Variants in ZRANB2 observed in about 807,000 individuals in gnomAD.
ZRANB2 encodes zinc finger Ran-binding domain-containing protein 2.
ZRANB2 carries 19 observed loss-of-function variants against 53.4 expected under a neutral mutation model. That is an observed-to-expected ratio of 0.36 (90% CI 0.25 to 0.52). ZRANB2 has a LOEUF of 0.52. ZRANB2 is among the 20% of genes least tolerant of loss of function. The pLI is 0.93. For missense variants in ZRANB2, 309 were observed against 401.1 expected, an observed-to-expected ratio of 0.77 and a Z score of 1.96; for synonymous variants, 145 against 134.8, an observed-to-expected ratio of 1.08 and a Z score of -0.52.
In ZRANB2 at chr1:71,064,475, C is replaced by A. The variant is rs1266719774; in HGVS notation, c.*599G>T. On this transcript the variant is annotated 3_prime_UTR_variant, in exon 10 of 10. Coordinates refer to ENST00000370920, the MANE Select transcript of ZRANB2 (RefSeq NM_203350.3). ...CCCACTTCTCTCCTTGTAGACATCA[C>A]AAGATTCTTTTGCATTAAATGTGGA... 6.6e-6 allele frequency: 1 copy of A among 152,432 alleles called. No individual in the cohort carries two copies. The highest frequency in any genetic ancestry group is 2.4e-5 in the African/African-American group (1 of 41,422). The allele number at this position is 152,432 out of a possible 1,614,324, so 9.4% of individuals were successfully genotyped here. A position where few individuals can be genotyped will look rare whatever the true frequency, so the allele number is the denominator to read the frequency against.
chr1:71,070,612 G>A (rs1299465266), intron 7 of ZRANB2, among the ~76,000 whole-genome samples: 1 of 152,088 alleles, frequency 6.6e-6, no homozygotes, highest in Admixed American at 6.6e-5. Flanking sequence ...GGCTAAAATA[G>A]GTTAAGGAAG....
chr1:71,076,075 G>A (rs1238245109), intron 4 of ZRANB2, among the ~76,000 whole-genome samples: 1 of 152,032 alleles, frequency 6.6e-6, no homozygotes, highest in African/African-American at 2.4e-5. Context: ...AGTCTGACAG[G>A]GTGACTAGAT....
chr1:71,073,677 GA>G (rs1661643064), intron 4 of ZRANB2, among the ~76,000 whole-genome samples: 2 of 151,602 alleles, frequency 1.3e-5, no homozygotes, highest in Admixed American at 1.3e-4. Context: ...ATTTACATAG[GA>G]AAAAACTGAA....
At chr1:71,073,548 A>G (rs1423608359) in intron 4 of ZRANB2, among the ~76,000 whole-genome samples, 1 of 151,954 alleles carries the variant, frequency 6.6e-6, no homozygotes, top group Non-Finnish European at 1.5e-5. Flanking sequence ...ACTTTCTGAA[A>G]AAAACCCACA....
At chr1:71,078,225 G>A (rs1041015003) in intron 3 of ZRANB2, among the ~76,000 whole-genome samples, 2 of 152,096 alleles carry the variant, frequency 1.3e-5, no homozygotes, top group Non-Finnish European at 2.9e-5. Flanking sequence ...ATAAGCATTT[G>A]TTTACTGGTA....
chr1:71,070,761 T>C, intron 7 of ZRANB2, 66 bp downstream of exon 7: 1 of 1,017,968 alleles, frequency 9.8e-7, no homozygotes, highest in African/African-American at 1.6e-5. Flanking sequence ...AAAAACAAAA[T>C]TTATAAATAA....
At chr1:71,065,618 A>ATTGT in intron 9 of ZRANB2, 1 of 1,538,418 alleles carries the variant, frequency 6.5e-7, no homozygotes, top group Non-Finnish European at 8.8e-7. Context: ...ACACAAGATG[A>ATTGT]TTGTACAATT....
At chr1:71,076,764 A>G in intron 4 of ZRANB2, 31 bp downstream of exon 4, 1 of 1,526,936 alleles carries the variant, frequency 6.5e-7, no homozygotes, top group Non-Finnish European at 9.0e-7. Flanking sequence ...TTTAAAAAAA[A>G]TCATTTAGTT....
At chr1:71,074,375 T>G (rs1289163049) in intron 4 of ZRANB2, among the ~76,000 whole-genome samples, 1 of 152,162 alleles carries the variant, frequency 6.6e-6, no homozygotes, top group Non-Finnish European at 1.5e-5. Flanking sequence ...CAAATTTGTC[T>G]CACAGTATAA....
Position 71,080,930 on chromosome 1 carries a change from T to A in ZRANB2, c.56+10A>T. 6.2e-7 allele frequency: 1 copy of A among 1,614,064 alleles called. No homozygotes were observed. ...ACTCCGTCCCAATTCAGGACCCTTC[T>A]TGAACTCACTTTTTGTCAGGGCAAA... On this transcript the variant is annotated intron_variant, in intron 1 of 9. Transcript: ENST00000370920.
intron 9 of ZRANB2, 34 bp from the exon 10 acceptor site, chr1:71,065,171 G>C: frequency 6.6e-7 from 1 of 1,518,518 alleles, no homozygotes; most frequent in Non-Finnish European, 9.1e-7. Context: ...AGGCATTCTA[G>C]TAAGCTAGAG....
chr1:71,066,083 A>C (rs995999281), intron 9 of ZRANB2: 1 of 187,566 alleles, frequency 5.3e-6, no homozygotes, highest in Non-Finnish European at 1.1e-5. Context: ...ATTTGCAAAG[A>C]CTACAAATAA....
chr1:71,064,966 C>G lies in ZRANB2; in HGVS notation c.*108G>C. 1 of 624,142 alleles carries G rather than the reference C, an allele frequency of 1.6e-6. No homozygotes were observed. Among genetic ancestry groups the G allele is most frequent in the Non-Finnish European group, 2.8e-6 (1 of 358,834 alleles). 38.7% of individuals were successfully genotyped at this position (624,142 alleles called of 1,614,324 possible). On this transcript the variant is annotated 3_prime_UTR_variant, in exon 10 of 10. Transcript: ENST00000370920. Reference sequence around the variant, plus strand: ...GTTTTGAAAAGCAATGAAAGGCATGCACCTCTACTAGCAGATTTAGCACTT... The same window carrying G: ...GTTTTGAAAAGCAATGAAAGGCATGGACCTCTACTAGCAGATTTAGCACTT...
intron 4 of ZRANB2, 116 bp from the exon 5 acceptor site, chr1:71,072,664 T>C: frequency 1.4e-6 from 1 of 692,272 alleles, no homozygotes; most frequent in Non-Finnish European, 2.4e-6. Flanking sequence ...TGCCTACCCA[T>C]CTAATAAATT....
Position 71,080,999 on chromosome 1 carries a change from G to GA in ZRANB2, c.-5dup, listed in dbSNP as rs1553185005. 6.2e-7 allele frequency: 1 copy of GA among 1,614,014 alleles called. No homozygotes were observed. The highest frequency in any genetic ancestry group is 8.5e-7 in the Non-Finnish European group (1 of 1,180,028). On this transcript the variant is annotated 5_prime_UTR_variant, in exon 1 of 10. Coordinates refer to ENST00000370920, the MANE Select transcript of ZRANB2 (RefSeq NM_203350.3). ...CTCGGAAATTCTTGGTCGACATCTT[G>GA]AACGCCACCAGCACAGCCACCCGCA... is the stretch of plus-strand genomic sequence containing the variant.
At chr1:71,065,198 ATTCTT>A in intron 9 of ZRANB2, 61 bp from the exon 10 acceptor site, 1 of 1,359,100 alleles carries the variant, frequency 7.4e-7, no homozygotes, top group Non-Finnish European at 1.0e-6. Flanking sequence ...CTCAGCATTC[ATTCTT>A]AAGACTGTGA....
At position 71,076,572 on chromosome 1, in the gene ZRANB2, C is replaced by T. The variant is rs116335756; in HGVS notation, c.301+223G>A. Among the ~76,000 whole-genome samples, 691 of 152,188 alleles carry T rather than the reference C, an allele frequency of 4.5e-3. 6 individuals are homozygous for T. Among genetic ancestry groups the T allele is most frequent in the African/African-American group, 0.016 (664 of 41,526 alleles). ...TATTTCTGAAAGTATTCTTATGTCC[C>T]TCCTTGTTAGGATAAAGGTCCCTAA... On this transcript the variant is annotated intron_variant, in intron 4 of 9. Transcript: ENST00000370920.
intron 7 of ZRANB2, among the ~76,000 whole-genome samples, chr1:71,070,561 A>T (rs1661571420): frequency 6.6e-6 from 1 of 152,142 alleles, no homozygotes; most frequent in Admixed American, 6.5e-5. Context: ...GTATATAAAA[A>T]TTTAATTCAG....
At chr1:71,080,310 T>C (rs1164510917) in intron 1 of ZRANB2, among the ~76,000 whole-genome samples, 1 of 152,098 alleles carries the variant, frequency 6.6e-6, no homozygotes, top group Non-Finnish European at 1.5e-5. Context: ...GCAGGCATCT[T>C]AAGGGCTGAG....
Sources: gnomAD v4.1 joint callset for allele counts (sites outside exome capture counted in the v4.1 genomes callset) on GRCh38, gnomAD v4.1.1 for gene constraint, MANE v1.5 for transcripts, NCBI Gene and HGNC (gene_info 2026-07-23, HGNC 2026-07-21) for gene names.